PLEKHA6: variants seen among roughly 807,000 people sequenced by gnomAD.
PLEKHA6 encodes pleckstrin homology domain-containing family A member 6.
PLEKHA6 carries 60 observed loss-of-function variants against 116.7 expected under a neutral mutation model. The observed-to-expected ratio is 0.51, with a 90% CI of 0.42 to 0.64. PLEKHA6 has a LOEUF of 0.64. Ranked by LOEUF, PLEKHA6 falls within the 30% of genes least tolerant of loss-of-function variation. The probability of loss-of-function intolerance (pLI) is 0.00; values close to 1 mark genes in which losing one functional copy is unlikely to be tolerated. For synonymous variants in PLEKHA6, 489 were observed against 556.1 expected (o/e 0.88, Z 1.70); for missense variants, 1,338 against 1,422.7 (o/e 0.94, Z 0.96).
upstream of PLEKHA6, chr1:204,377,803 C>CGTCGCTCCCGGGTCCCTGCAGT (rs1553287521): frequency 6.6e-6 from 1 of 151,214 alleles, no homozygotes; most frequent in Non-Finnish European, 1.5e-5. Context: ...GGGCTGGCGG[C>CGTCGCTCCCGGGTCCCTGCAGT]GTCGCTCCCG....
At chr1:204,287,960 A>C (rs1281495943) in intron 1 of PLEKHA6, among the ~76,000 whole-genome samples, 1 of 152,180 alleles carries the variant, frequency 6.6e-6, no homozygotes, top group African/African-American at 2.4e-5. Context: ...TAGTAATGAT[A>C]CTGGAATCTG....
intron 17 of PLEKHA6, among the ~76,000 whole-genome samples, chr1:204,233,135 T>C (rs1193097457): frequency 6.6e-6 from 1 of 151,542 alleles, no homozygotes; most frequent in Non-Finnish European, 1.5e-5. Context: ...TCCTCCACCA[T>C]TGTATTTTGA....
At position 204,261,193 on chromosome 1, in the gene PLEKHA6, C is replaced by T; in HGVS notation, c.524+113G>A. 1.5e-6 allele frequency: 2 copies of T among 1,300,388 alleles called. No individual in the cohort carries two copies. Among genetic ancestry groups the T allele is most frequent in the Admixed American group, 3.5e-5 (2 of 57,952 alleles). 80.6% of individuals were successfully genotyped at this position (1,300,388 alleles called of 1,614,324 possible). A position where few individuals can be genotyped will look rare whatever the true frequency, so the allele number is the denominator to read the frequency against. The stretch of plus-strand genomic sequence containing the variant: ...GATGCAAGGAGACGGCTCACACATT[C>T]TCCAGGGCTTCAAGTAGGCACACTG... On this transcript the variant is annotated intron_variant, in intron 7 of 22. Transcript: ENST00000272203. This position sits in a 1 kb window ranked among gnomAD's most constrained non-coding sequence, Gnocchi z 4.0.
intron 1 of PLEKHA6, 103 bp from the exon 2 acceptor site, chr1:204,274,912 G>T (rs1353009525): frequency 8.2e-6 from 8 of 978,148 alleles, no homozygotes; most frequent in Non-Finnish European, 9.7e-6. Flanking sequence ...AGGTGATCAT[G>T]TAAGGAGCTT....
At chr1:204,373,580 T>C (rs1028163525) in intron 1 of PLEKHA6, among the ~76,000 whole-genome samples, 4 of 152,260 alleles carry the variant, frequency 2.6e-5, no homozygotes, top group African/African-American at 9.6e-5. Context: ...ATTTAATTGC[T>C]GAATAGTATT....
chr1:204,273,534 A>G (rs1448364702), intron 3 of PLEKHA6, 92 bp downstream of exon 3: 1 of 878,204 alleles, frequency 1.1e-6, no homozygotes, highest in Non-Finnish European at 1.9e-6. Flanking sequence ...ATAGCTGGAC[A>G]GGCTACAATT....
intron 2 of PLEKHA6, chr1:204,369,741 G>T (rs940189100): frequency 6.6e-6 from 1 of 152,158 alleles, no homozygotes; most frequent in East Asian, 1.9e-4. Context: ...TGAAAGCATT[G>T]GCTCACAGGC....
rs60251937 is a variant in PLEKHA6, at chr1:204,308,687, C to CTTTTTTTTTTTTTTTTTT, written c.-94-33896_-94-33879dup. Among the ~76,000 whole-genome samples the CTTTTTTTTTTTTTTTTTT allele has an allele frequency of 4.3e-4, 35 of 81,406 alleles. 3 individuals are homozygous for CTTTTTTTTTTTTTTTTTT. Among genetic ancestry groups the CTTTTTTTTTTTTTTTTTT allele is most frequent in the African/African-American group, 1.2e-3 (22 of 18,628 alleles). The allele number at this position is 81,406 out of a possible 152,430, so 53.4% of individuals were successfully genotyped here. A position where few individuals can be genotyped will look rare whatever the true frequency, so the allele number is the denominator to read the frequency against. ...CAAGAAGGTAATTCTTTTTCTTTTT[C>CTTTTTTTTTTTTTTTTTT]TTTTTTTTTTTTTTTTTTTTTGAGA... On this transcript the variant is annotated intron_variant, in intron 1 of 22. Transcript: ENST00000272203.
rs1334735444 is a variant in PLEKHA6 at position 204,241,474 on chromosome 1, A to T, written c.2310T>A (p.Val770=). 1.2e-5 allele frequency: 19 copies of T among 1,600,478 alleles called. No homozygotes were observed. Among genetic ancestry groups the T allele is most frequent in the Non-Finnish European group, 3.4e-6 (4 of 1,173,166 alleles). ...TGGGCGATTTTGTCCGAGGGGGCAC[A>T]ACGCCAACTGCAGAAAGACAGAGTA... is the stretch of plus-strand genomic sequence containing the variant. ...EKQAALNKVG[V]VPPRTKSPTD... is the part of the protein sequence containing the mutation. The change falls in exon 17 of 23, where the codon GTT becomes GTA. Residue 770 remains valine (V), a synonymous_variant. Coordinates refer to ENST00000272203, the MANE Select transcript of PLEKHA6 (RefSeq NM_014935.5).
chr1:204,240,623 G>A (rs1043060964), intron 17 of PLEKHA6, among the ~76,000 whole-genome samples: 3 of 152,164 alleles, frequency 2.0e-5, no homozygotes, highest in Non-Finnish European at 2.9e-5. Context: ...TGCATTTCCT[G>A]TTGTACAAAG....
chr1:204,279,677 G>T (rs961931627), intron 1 of PLEKHA6, among the ~76,000 whole-genome samples: 3 of 152,190 alleles, frequency 2.0e-5, no homozygotes, highest in African/African-American at 7.2e-5. Flanking sequence ...CAGTCCAGTA[G>T]GTGGTCACTT....
rs763692605 is a variant in PLEKHA6, at chr1:204,261,094, G to A, written c.524+212C>T. 4.8e-4 allele frequency among the ~76,000 whole-genome samples: 73 copies of A among 152,198 alleles called. No homozygotes were observed. The highest frequency in any genetic ancestry group is 8.8e-4 in the Non-Finnish European group (60 of 68,042). ...TTTTCTCTTGGCCTTCCCGAGCTCAGAGAGAAGAGGAGGAGCTGGCTAGGG... is the reference window on the plus strand; with the variant it reads ...TTTTCTCTTGGCCTTCCCGAGCTCAAAGAGAAGAGGAGGAGCTGGCTAGGG... On this transcript the variant is annotated intron_variant, in intron 7 of 22. Coordinates refer to ENST00000272203, the MANE Select transcript of PLEKHA6 (RefSeq NM_014935.5). This position sits in a 1 kb window ranked among gnomAD's most constrained non-coding sequence, Gnocchi z 4.0.
Position 204,257,916 on chromosome 1 carries a change from C to T in PLEKHA6, c.1008-47G>A. The T allele has an allele frequency of 6.5e-7, 1 of 1,540,022 alleles. No homozygotes were observed. The highest frequency in any genetic ancestry group is 8.8e-7 in the Non-Finnish European group (1 of 1,133,118). ...AATGAAGGCAGACAACACGGGCACC[C>T]CTCCACCCACCCCAGCCCCACCTCC... On this transcript the variant is annotated intron_variant, in intron 8 of 22. Transcript: ENST00000272203. The surrounding 1 kb of genome is among the most constrained non-coding windows in gnomAD (Gnocchi z 6.5).
rs1558170972 is a variant in PLEKHA6 at position 204,308,693 on chromosome 1, T to TTTTTTTC, written c.-94-33885_-94-33884insGAAAAAA. Among the ~76,000 whole-genome samples, 7 of 99,028 alleles carry TTTTTTTC rather than the reference T, an allele frequency of 7.1e-5. No individual in the cohort carries two copies. The South Asian group carries it at 1.3e-3, about 18-fold the overall frequency. The allele number at this position is 99,028 out of a possible 152,430, so 65.0% of individuals were successfully genotyped here. ...GGTAATTCTTTTTCTTTTTCTTTTT[T>TTTTTTTC]TTTTTTTTTTTTTTTGAGACAGAGT... On this transcript the variant is annotated intron_variant, in intron 1 of 22. Coordinates refer to ENST00000272203, the MANE Select transcript of PLEKHA6 (RefSeq NM_014935.5).
intron 3 of PLEKHA6, among the ~76,000 whole-genome samples, chr1:204,271,342 G>T (rs1667431846): frequency 3.9e-5 from 6 of 152,146 alleles, no homozygotes; most frequent in Admixed American, 3.9e-4. Flanking sequence ...ACCAGAGCCA[G>T]CAAGGTATCC....
At chr1:204,271,031 C>T (rs1349341360) in intron 3 of PLEKHA6, among the ~76,000 whole-genome samples, 3 of 152,272 alleles carry the variant, frequency 2.0e-5, no homozygotes, top group Non-Finnish European at 4.4e-5. Context: ...ACTCTCCACA[C>T]ATCTGGACAG....
chr1:204,368,229 C>T (rs757400536), intron 2 of PLEKHA6, among the ~76,000 whole-genome samples: 3 of 152,140 alleles, frequency 2.0e-5, no homozygotes, highest in Non-Finnish European at 4.4e-5. Flanking sequence ...AGATGGTTCC[C>T]CTGGAAGTGT....
intron 1 of PLEKHA6, 62 bp from the exon 2 acceptor site, chr1:204,274,871 G>T: frequency 1.0e-6 from 1 of 985,754 alleles, no homozygotes; most frequent in Non-Finnish European, 1.2e-6. Flanking sequence ...AAAAGCCAAT[G>T]CGTGGACAGA....
chr1:204,372,393 G>A (rs557277382), intron 1 of PLEKHA6, among the ~76,000 whole-genome samples: 1 of 152,222 alleles, frequency 6.6e-6, no homozygotes, highest in African/African-American at 2.4e-5. Context: ...CCGACCAAGT[G>A]ACACAGACTT....
Sources: allele counts gnomAD v4.1 joint callset (sites outside exome capture counted in the v4.1 genomes callset), GRCh38; gene constraint gnomAD v4.1.1; non-coding constraint Gnocchi (gnomAD v3.1); transcripts MANE v1.5; gene names NCBI Gene and HGNC (gene_info 2026-07-23, HGNC 2026-07-21).